Variants in SEC14L1 observed in about 807,000 individuals in gnomAD.
SEC14L1 encodes the protein SEC14-like protein 1.
A neutral mutation model predicts 85.3 loss-of-function variants in SEC14L1; 48 were observed. That is an observed-to-expected ratio of 0.56 (90% CI 0.45 to 0.72). SEC14L1 has a LOEUF of 0.72. SEC14L1 is among the 30% of genes least tolerant of loss of function. The probability of loss-of-function intolerance (pLI) is 0.00; values close to 1 mark genes in which losing one functional copy is unlikely to be tolerated. For synonymous variants in SEC14L1, 391 were observed against 355.5 expected (o/e 1.10, Z -1.12); for missense variants, 682 against 921.4 (o/e 0.74, Z 3.36).
chr17:77,161,142 C>CT (rs1176832819), intron 3 of SEC14L1, among the ~76,000 whole-genome samples: 3 of 152,162 alleles, frequency 2.0e-5, no homozygotes, highest in Admixed American at 6.5e-5. Flanking sequence ...ATTGTATGAG[C>CT]TTTTTTGTTT....
intron 3 of SEC14L1, among the ~76,000 whole-genome samples, chr17:77,103,872 G>C (rs1311656828): frequency 1.3e-5 from 2 of 150,934 alleles, no homozygotes; most frequent in African/African-American, 4.9e-5. Context: ...CGTGGATCCA[G>C]GCGGCACCGG....
chr17:77,203,685 G>A (rs1976301822), intron 10 of SEC14L1, 27 bp downstream of exon 10: 2 of 1,579,282 alleles, frequency 1.3e-6, no homozygotes, highest in African/African-American at 1.3e-5. Flanking sequence ...GAGACTCCAG[G>A]TGCCACTGTG....
Position 77,200,617 on chromosome 17 carries a change from C to A in SEC14L1, c.953C>A (p.Thr318Asn), listed in dbSNP as rs1376973272. ...HQVDYILETW[T>N]PPQVLQDYYA... ...GTAGACTACATTCTTGAAACCTGGA[C>A]CCCTCCTCAGGTCCTTCAGGATTAC... The change falls in exon 9 of 17, where the codon ACC becomes AAC. Residue 318 changes from threonine to asparagine, a missense_variant. Thr to Asn is a moderately conservative substitution (Grantham distance 65). Around this residue, in one of 3 missense-constraint regions of SEC14L1, gnomAD observed 420 missense variants for 619.5 expected, o/e 0.68. Coordinates refer to ENST00000436233, the MANE Select transcript of SEC14L1 (RefSeq NM_001143998.2). 6.2e-7 allele frequency: 1 copy of A among 1,614,082 alleles called. No individual in the cohort carries two copies. The highest frequency in any genetic ancestry group is 8.5e-7 in the Non-Finnish European group (1 of 1,179,994).
intron 3 of SEC14L1, among the ~76,000 whole-genome samples, chr17:77,104,790 CAAAAAA>C (rs34654587): frequency 8.6e-6 from 1 of 115,828 alleles, no homozygotes; most frequent in East Asian, 2.5e-4. Flanking sequence ...GACTCCATTT[CAAAAAA>C]AAAAAAAAAA....
Position 77,193,544 on chromosome 17 carries a change from A to T in SEC14L1, c.469A>T (p.Lys157Ter). The T allele has an allele frequency of 6.2e-7, 1 of 1,608,372 alleles. No homozygotes were observed. Among genetic ancestry groups the T allele is most frequent in the East Asian group, 2.2e-5 (1 of 44,746 alleles). ...AATGAAACAATATACCAGCAACATT[A>T]AAAAAGTGAGTGTATCTTGGGATTT... is the stretch of plus-strand genomic sequence containing the variant. ...IAMKQYTSNI[K>*]KGKEIIEYYL... Residue 157 changes from lysine (K) to a stop codon, truncating the protein, a stop_gained, in exon 6 of 17, where the codon AAA becomes TAA. Transcript: ENST00000436233. LOFTEE classifies it high-confidence loss of function.
chr17:77,098,746 C>A (rs1293647176), intron 3 of SEC14L1, among the ~76,000 whole-genome samples: 1 of 152,190 alleles, frequency 6.6e-6, no homozygotes, highest in African/African-American at 2.4e-5. Flanking sequence ...CCACCTCATT[C>A]ATGGAGCTCA....
chr17:77,091,916 A>G (rs1971527896), intron 2 of SEC14L1, among the ~76,000 whole-genome samples: 1 of 151,574 alleles, frequency 6.6e-6, no homozygotes, highest in Non-Finnish European at 1.5e-5. Context: ...GGTTCAAGCG[A>G]TTCTTCTGCC....
intron 3 of SEC14L1, among the ~76,000 whole-genome samples, chr17:77,155,695 G>A (rs1018984538): frequency 1.3e-5 from 2 of 152,180 alleles, no homozygotes; most frequent in African/African-American, 4.8e-5. Context: ...CTGCCTGCAA[G>A]TTTCAAATGA....
chr17:77,146,594 C>G (rs1200975726), intron 3 of SEC14L1, among the ~76,000 whole-genome samples: 3 of 151,636 alleles, frequency 2.0e-5, no homozygotes, highest in East Asian at 1.9e-4. Flanking sequence ...CTTTTTCTTT[C>G]TTTCTTCTCC....
intron 3 of SEC14L1, among the ~76,000 whole-genome samples, chr17:77,129,540 C>A (rs1598265025): frequency 1.3e-5 from 2 of 152,000 alleles, no homozygotes; most frequent in African/African-American, 4.8e-5. Flanking sequence ...GAACTGAAAC[C>A]CTCTGAGTTC....
intron 3 of SEC14L1, among the ~76,000 whole-genome samples, chr17:77,095,991 C>T (rs1040211046): frequency 4.0e-5 from 6 of 151,358 alleles, no homozygotes; most frequent in Non-Finnish European, 8.8e-5. Context: ...GTGTGGCTGT[C>T]AGGAACATTC....
upstream of SEC14L1, among the ~76,000 whole-genome samples, chr17:77,139,816 A>C (rs777636859): frequency 9.9e-5 from 15 of 152,110 alleles, no homozygotes; most frequent in Admixed American, 2.0e-4. Context: ...TGATTTCTAC[A>C]AACAAGCAAA....
At chr17:77,201,284 C>T (rs531326657) in intron 9 of SEC14L1, among the ~76,000 whole-genome samples, 38 of 152,276 alleles carry the variant, frequency 2.5e-4, no homozygotes, top group East Asian at 3.9e-4. Flanking sequence ...GTTTGAGAGC[C>T]GGGCAGGATG....
intron 3 of SEC14L1, among the ~76,000 whole-genome samples, chr17:77,121,898 C>A (rs573857112): frequency 1.3e-5 from 2 of 152,304 alleles, no homozygotes; most frequent in South Asian, 4.1e-4. Context: ...TCTTTCTGCT[C>A]CTCTTGTCTT....
intron 13 of SEC14L1, among the ~76,000 whole-genome samples, chr17:77,208,484 C>G (rs980549434): frequency 1.3e-5 from 2 of 152,176 alleles, no homozygotes; most frequent in Non-Finnish European, 2.9e-5. Flanking sequence ...GTTTGCGGTG[C>G]TGAGCGTCTT....
intron 3 of SEC14L1, among the ~76,000 whole-genome samples, chr17:77,126,381 A>G (rs927966760): frequency 6.6e-6 from 1 of 152,224 alleles, no homozygotes; most frequent in Non-Finnish European, 1.5e-5. Context: ...TCGTTCTTCA[A>G]GGAAACTGTA....
At chr17:77,139,466 C>A (rs1235060473), upstream of SEC14L1, among the ~76,000 whole-genome samples, 3 of 150,598 alleles carry the variant, frequency 2.0e-5, no homozygotes, top group Non-Finnish European at 2.9e-5. Context: ...GCCACCGCAA[C>A]GGCGTTAAAG....
At chr17:77,188,996 T>G (rs1426171169) in intron 3 of SEC14L1, among the ~76,000 whole-genome samples, 1 of 144,952 alleles carries the variant, frequency 6.9e-6, no homozygotes, top group Non-Finnish European at 1.6e-5. Context: ...CTTGAGTTGT[T>G]TTTTTTTTTT....
At chr17:77,124,628 A>C (rs1972389442) in intron 3 of SEC14L1, among the ~76,000 whole-genome samples, 1 of 152,204 alleles carries the variant, frequency 6.6e-6, no homozygotes, top group African/African-American at 2.4e-5. Flanking sequence ...TGTAGACCTA[A>C]ATATTTAAAG....
Sources: gnomAD v4.1 joint callset for allele counts (sites outside exome capture counted in the v4.1 genomes callset) on GRCh38, gnomAD v4.1.1 for gene constraint, gnomAD v4.1.1 regional missense constraint, MANE v1.5 for transcripts, NCBI Gene and HGNC (gene_info 2026-07-23, HGNC 2026-07-21) for gene names.